The following DPP10 variants were observed in gnomAD, a reference collection of about 807,000 sequenced individuals.
DPP10 encodes inactive dipeptidyl peptidase 10.
DPP10 carries 33 observed loss-of-function variants against 120.9 expected under a neutral mutation model. The observed-to-expected ratio is 0.27, with a 90% confidence interval of 0.21 to 0.37. The LOEUF is 0.37. Ranked by LOEUF, DPP10 falls within the 10% of genes least tolerant of loss-of-function variation. DPP10 has a pLI of 1.00. For missense variants in DPP10, 816 were observed against 942.8 expected (o/e 0.87, Z 1.76); for synonymous variants, 337 against 326.1 (o/e 1.03, Z -0.36).
chr2:115,600,645 C>CTTGT (rs1280002542), intron 5 of DPP10, among the ~76,000 whole-genome samples: 2 of 152,214 alleles, frequency 1.3e-5, no homozygotes, highest in Admixed American at 6.5e-5. Flanking sequence ...CCACTTGTAA[C>CTTGT]ATTAATCCAC....
chr2:114,576,582 A>G (rs1454619095), intron 1 of DPP10, among the ~76,000 whole-genome samples: 1 of 152,230 alleles, frequency 6.6e-6, no homozygotes, highest in Non-Finnish European at 1.5e-5. Context: ...AACAGCCCAC[A>G]GAAATCACCC....
chr2:115,802,672 C>G (rs1023601017), intron 19 of DPP10, among the ~76,000 whole-genome samples: 1 of 152,048 alleles, frequency 6.6e-6, no homozygotes, highest in South Asian at 2.1e-4. Context: ...TTATTTCTGC[C>G]TTCATTTCGT....
At chr2:115,224,252 G>T (rs532847629) in intron 1 of DPP10, among the ~76,000 whole-genome samples, 1 of 152,198 alleles carries the variant, frequency 6.6e-6, no homozygotes, top group African/African-American at 2.4e-5. Flanking sequence ...AAGGATGAAA[G>T]AATTGAGTTA....
At chr2:115,113,107 T>C (rs1191854832) in intron 1 of DPP10, among the ~76,000 whole-genome samples, 1 of 152,078 alleles carries the variant, frequency 6.6e-6, no homozygotes, top group South Asian at 2.1e-4. Context: ...GTGTGTGTTG[T>C]GTCAGTCTGG....
intron 3 of DPP10, among the ~76,000 whole-genome samples, chr2:115,401,274 G>T (rs867082794): frequency 1.4e-4 from 21 of 152,104 alleles, no homozygotes; most frequent in South Asian, 4.1e-4. Flanking sequence ...CAAATAACTG[G>T]GTGATCACTA....
chr2:115,718,316 G>C (rs1035344955), intron 7 of DPP10, among the ~76,000 whole-genome samples: 1 of 152,064 alleles, frequency 6.6e-6, no homozygotes, highest in African/African-American at 2.4e-5. Flanking sequence ...TGAGAAAACA[G>C]ACTCAGAGAG....
rs187136211 is a variant in DPP10 at position 114,986,831 on chromosome 2, C to T, written c.61-322408C>T. Among the ~76,000 whole-genome samples the T allele has an allele frequency of 3.4e-3, 525 of 152,194 alleles. 1 individual carries two copies. Among genetic ancestry groups the T allele is most frequent in the Admixed American group, 5.8e-3 (88 of 15,290 alleles). Reference sequence around the variant, plus strand: ...TGTCGCCTAGGCTGGAGTGCAGTGGCGCAATCTTGGCTCACTGCAACCTCC... The same window carrying T: ...TGTCGCCTAGGCTGGAGTGCAGTGGTGCAATCTTGGCTCACTGCAACCTCC... On this transcript the variant is annotated intron_variant, in intron 1 of 25. Coordinates refer to ENST00000410059, the MANE Select transcript of DPP10 (RefSeq NM_020868.6).
intron 1 of DPP10, among the ~76,000 whole-genome samples, chr2:114,601,309 C>G (rs1692348136): frequency 6.6e-6 from 1 of 151,886 alleles, no homozygotes; most frequent in African/African-American, 2.4e-5. Flanking sequence ...CCTTTGCTTT[C>G]TGATTCTAGA....
At chr2:114,906,077 G>C (rs1458499929) in intron 1 of DPP10, among the ~76,000 whole-genome samples, 2 of 151,966 alleles carry the variant, frequency 1.3e-5, no homozygotes, top group Admixed American at 1.3e-4. Context: ...GTACAATGTT[G>C]AATAGAAGTC....
At chr2:115,297,700 G>A (rs898362050) in intron 1 of DPP10, among the ~76,000 whole-genome samples, 1 of 152,034 alleles carries the variant, frequency 6.6e-6, no homozygotes, top group Non-Finnish European at 1.5e-5. Flanking sequence ...TGATTGGGCT[G>A]CAAATATGAT....
chr2:115,545,378 T>G (rs964099052), intron 5 of DPP10, among the ~76,000 whole-genome samples: 1 of 152,124 alleles, frequency 6.6e-6, no homozygotes, highest in Non-Finnish European at 1.5e-5. Flanking sequence ...ACAGTGTAGT[T>G]GGGAAAATTT....
chr2:115,196,684 A>G (rs184015786), intron 1 of DPP10, among the ~76,000 whole-genome samples: 1 of 152,266 alleles, frequency 6.6e-6, no homozygotes, highest in East Asian at 1.9e-4. Flanking sequence ...TTACCACTGT[A>G]AGTGCAATGA....
At chr2:115,833,036 A>C (rs1384216061) in intron 21 of DPP10, among the ~76,000 whole-genome samples, 1 of 152,144 alleles carries the variant, frequency 6.6e-6, no homozygotes, top group Non-Finnish European at 1.5e-5. Flanking sequence ...GATTTGAATT[A>C]AGTTAGAAGT....
intron 1 of DPP10, among the ~76,000 whole-genome samples, chr2:115,250,330 C>T (rs17044209): frequency 0.19 from 28,909 of 152,136 alleles, 3,088 homozygotes; most frequent in East Asian, 0.36. Flanking sequence ...TCCCATAATT[C>T]CGAACTGAAA....
At chr2:114,727,123 G>T (rs777757812) in intron 1 of DPP10, among the ~76,000 whole-genome samples, 6 of 152,140 alleles carry the variant, frequency 3.9e-5, no homozygotes, top group Non-Finnish European at 7.4e-5. Flanking sequence ...GATAGCAACA[G>T]CGTGCTGTTG....
chr2:115,206,552 A>G (rs185418963), intron 1 of DPP10, among the ~76,000 whole-genome samples: 1 of 152,338 alleles, frequency 6.6e-6, no homozygotes, highest in Non-Finnish European at 1.5e-5. Flanking sequence ...TTTCTCTTCC[A>G]AAGTCAAGCT....
In DPP10 at chr2:115,711,915, G is replaced by GTTTTTTTTTTTTTTTTTTTTTTTTT. The variant is rs1491280011; in HGVS notation, c.577-15901_577-15900insTTTTTTTTTTTTTTTTTTTTTTTTT. On this transcript the variant is annotated intron_variant, in intron 7 of 25. Transcript: ENST00000410059. ...GAATATTGGACCTATAAAATGGTCT[G>GTTTTTTTTTTTTTTTTTTTTTTTTT]GTTTTTTTTTTTTTTTTTTTTTTGG... Among the ~76,000 whole-genome samples, 16 of 96,984 alleles carry GTTTTTTTTTTTTTTTTTTTTTTTTT rather than the reference G, an allele frequency of 1.6e-4. 7 individuals are homozygous for GTTTTTTTTTTTTTTTTTTTTTTTTT. Among genetic ancestry groups the GTTTTTTTTTTTTTTTTTTTTTTTTT allele is most frequent in the Admixed American group, 2.4e-4 (2 of 8,410 alleles). The allele number at this position is 96,984 out of a possible 152,430, so 63.6% of individuals were successfully genotyped here. A position where few individuals can be genotyped will look rare whatever the true frequency, so the allele number is the denominator to read the frequency against.
intron 1 of DPP10, among the ~76,000 whole-genome samples, chr2:115,016,454 C>T (rs1260736801): frequency 6.6e-6 from 1 of 152,102 alleles, no homozygotes; most frequent in Non-Finnish European, 1.5e-5. Flanking sequence ...GCGAAGACTT[C>T]ATGACAAAAA....
chr2:115,646,077 T>TACACATGCAC lies in DPP10; in HGVS notation c.442-43599_442-43590dup, dbSNP rs201747614. ...TCACACACACACACGCACATGCACA[T>TACACATGCAC]ACACATGCACACACATGCACGTGCG... On this transcript the variant is annotated intron_variant, in intron 5 of 25. Transcript: ENST00000410059. 3.8e-3 allele frequency among the ~76,000 whole-genome samples: 578 copies of TACACATGCAC among 152,048 alleles called. 3 individuals carry two copies. The highest frequency in any genetic ancestry group is 0.012 in the African/African-American group (503 of 41,490).
Sources: allele counts gnomAD v4.1 joint callset (sites outside exome capture counted in the v4.1 genomes callset), GRCh38; gene constraint gnomAD v4.1.1; transcripts MANE v1.5; gene names NCBI Gene and HGNC (gene_info 2026-07-23, HGNC 2026-07-21).